Variants in CERS6 observed in about 807,000 individuals in gnomAD.
The protein encoded by CERS6 is LAG1 homolog, ceramide synthase 6.
In CERS6, 26 loss-of-function variants were observed where a neutral mutation model predicts 56.8. The ratio of observed to expected loss-of-function variants is 0.46; its 90% CI spans 0.34 to 0.63. The LOEUF (loss-of-function observed/expected upper bound fraction) is 0.63, where lower values mean the gene tolerates loss of function less well. CERS6 is among the 30% of genes least tolerant of loss of function. The pLI is 0.01. For synonymous variants in CERS6, 164 were observed against 173.3 expected, an observed-to-expected ratio of 0.95 and a Z score of 0.42; for missense variants, 415 against 467.5, an observed-to-expected ratio of 0.89 and a Z score of 1.04.
intron 5 of CERS6, among the ~76,000 whole-genome samples, chr2:168,694,477 C>T (rs927634028): frequency 2.6e-5 from 4 of 152,102 alleles, no homozygotes; most frequent in African/African-American, 4.8e-5. Context: ...ATGTACTGAA[C>T]ATTTTTTTCT....
intron 3 of CERS6, among the ~76,000 whole-genome samples, chr2:168,592,198 G>T (rs1683688123): frequency 6.6e-6 from 1 of 152,218 alleles, no homozygotes; most frequent in African/African-American, 2.4e-5. Context: ...TGTTTTTAAG[G>T]ATATGTGAGC....
intron 3 of CERS6, among the ~76,000 whole-genome samples, chr2:168,601,729 T>C (rs1683937297): frequency 6.6e-6 from 1 of 152,080 alleles, no homozygotes; most frequent in Non-Finnish European, 1.5e-5. Context: ...TTTGTATTTT[T>C]AGTAGAGATA....
At chr2:168,603,153 C>T (rs1683974147) in intron 3 of CERS6, among the ~76,000 whole-genome samples, 1 of 152,128 alleles carries the variant, frequency 6.6e-6, no homozygotes, top group African/African-American at 2.4e-5. Context: ...ATGTTTGTAG[C>T]ACCATGATAT....
chr2:168,679,731 T>C (rs1275078253), intron 4 of CERS6, among the ~76,000 whole-genome samples: 3 of 152,234 alleles, frequency 2.0e-5, no homozygotes, highest in Non-Finnish European at 2.9e-5. Flanking sequence ...ATAGTGTTTA[T>C]GAGGTTTACG....
chr2:168,599,605 G>A (rs1452521673), intron 3 of CERS6, among the ~76,000 whole-genome samples: 1 of 152,188 alleles, frequency 6.6e-6, no homozygotes, highest in Non-Finnish European at 1.5e-5. Context: ...TTGTTCTTGA[G>A]AGATAACTTC....
At chr2:168,705,349 G>A (rs574587369) in intron 6 of CERS6, among the ~76,000 whole-genome samples, 17 of 152,064 alleles carry the variant, frequency 1.1e-4, no homozygotes, top group African/African-American at 3.9e-4. Flanking sequence ...AGGAGAAAAC[G>A]CAAGCATCAC....
chr2:168,482,811 G>A (rs1694202460), intron 1 of CERS6, among the ~76,000 whole-genome samples: 1 of 152,164 alleles, frequency 6.6e-6, no homozygotes, highest in African/African-American at 2.4e-5. Context: ...GAATTATTGG[G>A]TTTATCTTTG....
chr2:168,617,467 A>T (rs1053537326), intron 3 of CERS6, among the ~76,000 whole-genome samples: 3 of 152,222 alleles, frequency 2.0e-5, no homozygotes, highest in Non-Finnish European at 2.9e-5. Context: ...AAGATAAAGA[A>T]AATTAATAGA....
chr2:168,469,446 C>T lies in CERS6; in HGVS notation c.170+12828C>T, dbSNP rs193294990. The stretch of plus-strand genomic sequence containing the variant: ...AAGATGAAACCACAATGCTGTATAA[C>T]GACAAATTACCAAAAATTGCCCCTG... On this transcript the variant is annotated intron_variant, in intron 1 of 9. Transcript: ENST00000305747. Among the ~76,000 whole-genome samples, 313 of 152,182 alleles carry T rather than the reference C, an allele frequency of 2.1e-3. 2 individuals are homozygous for T. The highest frequency in any genetic ancestry group is 5.4e-3 in the African/African-American group (224 of 41,516).
At position 168,774,962 on chromosome 2, in the gene CERS6, T is replaced by C. The variant is rs1238733055; in HGVS notation, c.*5300T>C. On this transcript the variant is annotated 3_prime_UTR_variant, in exon 10 of 10. Coordinates refer to ENST00000305747, the MANE Select transcript of CERS6 (RefSeq NM_203463.3). ...AGTGCTTGAGCATCTCTGTCAGAAA[T>C]GGAATGAAATACTGTTAGCCAATTA... is the stretch of plus-strand genomic sequence containing the variant. 1.3e-5 allele frequency: 2 copies of C among 152,264 alleles called. No individual in the cohort carries two copies. The highest frequency in any genetic ancestry group is 2.9e-5 in the Non-Finnish European group (2 of 68,046). The allele number at this position is 152,264 out of a possible 1,614,324, so 9.4% of individuals were successfully genotyped here. A position where few individuals can be genotyped will look rare whatever the true frequency, so the allele number is the denominator to read the frequency against.
intron 8 of CERS6, among the ~76,000 whole-genome samples, chr2:168,731,111 A>G (rs561494488): frequency 7.2e-5 from 11 of 152,306 alleles, no homozygotes; most frequent in Non-Finnish European, 5.9e-5. Context: ...ATATAAATAT[A>G]GCAAAATGCA....
At chr2:168,630,546 A>G (rs77350465) in intron 3 of CERS6, among the ~76,000 whole-genome samples, 6,006 of 152,270 alleles carry the variant, frequency 0.039, 318 homozygotes, top group African/African-American at 0.12. Flanking sequence ...GTTAAAAGAC[A>G]AAGTGAAATT....
chr2:168,467,641 A>G (rs548956051), intron 1 of CERS6, among the ~76,000 whole-genome samples: 1 of 152,344 alleles, frequency 6.6e-6, no homozygotes, highest in South Asian at 2.1e-4. Flanking sequence ...GTAATAGACA[A>G]CATATTCTCT....
At chr2:168,611,368 A>G (rs1684184260) in intron 3 of CERS6, among the ~76,000 whole-genome samples, 1 of 152,186 alleles carries the variant, frequency 6.6e-6, no homozygotes, top group Admixed American at 6.5e-5. Flanking sequence ...CAGCTCCTCA[A>G]TTGCCTTAAC....
At chr2:168,759,375 G>A (rs13412953) in intron 8 of CERS6, among the ~76,000 whole-genome samples, 4 of 152,156 alleles carry the variant, frequency 2.6e-5, no homozygotes, top group African/African-American at 9.7e-5. Flanking sequence ...ACAAACCCGC[G>A]TGAGTATGTA....
At chr2:168,676,986 T>G (rs1347283029) in intron 4 of CERS6, among the ~76,000 whole-genome samples, 1 of 151,536 alleles carries the variant, frequency 6.6e-6, no homozygotes, top group Admixed American at 6.6e-5. Flanking sequence ...CACCATTGCT[T>G]TGTTTTTTGG....
chr2:168,744,383 A>T (rs1684035553), intron 8 of CERS6, among the ~76,000 whole-genome samples: 1 of 150,276 alleles, frequency 6.7e-6, no homozygotes, highest in East Asian at 1.9e-4. Flanking sequence ...TTTTTTTTTC[A>T]GGCTATCAGC....
In CERS6 at chr2:168,623,471, G is replaced by GAA. The variant is rs147317858; in HGVS notation, c.408-7506_408-7505dup. On this transcript the variant is annotated intron_variant, in intron 3 of 9. Coordinates refer to ENST00000305747, the MANE Select transcript of CERS6 (RefSeq NM_203463.3). ...TTTCAGTTATACCTCAGTAAAGCAGGAAAAAAAAATGCCGTGTTACAATCT... is the reference window on the plus strand; with the variant it reads ...TTTCAGTTATACCTCAGTAAAGCAGGAAAAAAAAAAATGCCGTGTTACAATCT... Among the ~76,000 whole-genome samples the GAA allele has an allele frequency of 1.2e-4, 18 of 150,926 alleles. No homozygotes were observed. The South Asian group carries it at 3.5e-3, about 30-fold the overall frequency.
chr2:168,746,791 A>G lies in CERS6; in HGVS notation c.846-18801A>G, dbSNP rs905615447. Among the ~76,000 whole-genome samples, 527 of 89,838 alleles carry G rather than the reference A, an allele frequency of 5.9e-3. 18 individuals carry two copies. Among genetic ancestry groups the G allele is most frequent in the African/African-American group, 0.022 (511 of 22,868 alleles). 58.9% of individuals were successfully genotyped at this position (89,838 alleles called of 152,430 possible). A position where few individuals can be genotyped will look rare whatever the true frequency, so the allele number is the denominator to read the frequency against. On this transcript the variant is annotated intron_variant, in intron 8 of 9. Transcript: ENST00000305747. ...GGGTAAAGGGTATATATATATATATATATATATATATATATATATATATAT... is the reference window on the plus strand; with the variant it reads ...GGGTAAAGGGTATATATATATATATGTATATATATATATATATATATATAT...
Sources: allele counts gnomAD v4.1 joint callset (sites outside exome capture counted in the v4.1 genomes callset), GRCh38; gene constraint gnomAD v4.1.1; transcripts MANE v1.5; gene names NCBI Gene and HGNC (gene_info 2026-07-23, HGNC 2026-07-21).